The following EPN2 variants were observed in gnomAD, a reference collection of about 807,000 sequenced individuals.
The protein encoded by EPN2 is epsin-2.
A neutral mutation model predicts 61.7 loss-of-function variants in EPN2; 34 were observed. The observed-to-expected ratio is 0.55, with a 90% confidence interval of 0.42 to 0.73. The LOEUF is 0.73. EPN2 is among the 30% of genes least tolerant of loss of function. The pLI, the probability that EPN2 is intolerant of heterozygous loss-of-function variation, is 0.00. For synonymous variants in EPN2, 349 were observed against 353.6 expected, an observed-to-expected ratio of 0.99 and a Z score of 0.15; for missense variants, 714 against 839.2, an observed-to-expected ratio of 0.85 and a Z score of 1.84.
intron 7 of EPN2, among the ~76,000 whole-genome samples, chr17:19,326,878 C>T (rs1394819108): frequency 6.6e-6 from 1 of 151,958 alleles, no homozygotes; most frequent in Non-Finnish European, 1.5e-5. Context: ...CGGTAAAAGA[C>T]TCAAATTGGC....
chr17:19,251,727 C>T lies in EPN2; in HGVS notation c.-294+14196C>T, dbSNP rs143694256. On this transcript the variant is annotated intron_variant, in intron 1 of 10. Coordinates refer to ENST00000314728, the MANE Select transcript of EPN2 (RefSeq NM_014964.5). Reference sequence around the variant, plus strand: ...GGGATTACAGGCGTGAGCCACTGCACCCGGCCAGGTAGTTGAGTGTTGAGC... The same window carrying T: ...GGGATTACAGGCGTGAGCCACTGCATCCGGCCAGGTAGTTGAGTGTTGAGC... Among the ~76,000 whole-genome samples, 184 of 152,270 alleles carry T rather than the reference C, an allele frequency of 1.2e-3. 4 individuals carry two copies. The South Asian group carries it at 0.02, about 16-fold the overall frequency.
At chr17:19,240,277 A>T (rs954277596) in intron 1 of EPN2, among the ~76,000 whole-genome samples, 6 of 151,274 alleles carry the variant, frequency 4.0e-5, no homozygotes, top group Admixed American at 1.3e-4. Flanking sequence ...ATGGCGTCTC[A>T]CGCTGTCACC....
At chr17:19,282,821 G>A (rs2045370914) in intron 2 of EPN2, 129 bp from the exon 3 acceptor site, 2 of 282,726 alleles carry the variant, frequency 7.1e-6, no homozygotes, top group African/African-American at 2.2e-5. Flanking sequence ...TTTATCTTGG[G>A]TTCGTCCTAA....
chr17:19,299,766 A>G (rs1245332420), intron 4 of EPN2, among the ~76,000 whole-genome samples: 1 of 152,148 alleles, frequency 6.6e-6, no homozygotes, highest in African/African-American at 2.4e-5. Context: ...TGCCTCTTTC[A>G]CCAGCCCTGC....
rs1171297967 is a variant in EPN2 at position 19,328,949 on chromosome 17, G to A, written c.1324+62G>A. On this transcript the variant is annotated intron_variant, in intron 8 of 10. Coordinates refer to ENST00000314728, the MANE Select transcript of EPN2 (RefSeq NM_014964.5). ...CTGAGCGCCCACGGGCCCTGCAGCC[G>A]CTCCTGGCTCCTAGGCATCAGCCCT... 1.8e-5 allele frequency: 26 copies of A among 1,442,262 alleles called. No homozygotes were observed. In the South Asian group the frequency reaches 2.2e-4, roughly 12 times the overall value. The allele number at this position is 1,442,262 out of a possible 1,614,324, so 89.3% of individuals were successfully genotyped here.
At chr17:19,265,623 A>G (rs2045189342) in intron 1 of EPN2, among the ~76,000 whole-genome samples, 1 of 151,816 alleles carries the variant, frequency 6.6e-6, no homozygotes, top group Non-Finnish European at 1.5e-5. Flanking sequence ...CCTTAATTGC[A>G]TTCTTGTCCC....
chr17:19,329,578 A>G lies in EPN2; in HGVS notation c.1342A>G (p.Ser448Gly), dbSNP rs1273002610. The G allele has an allele frequency of 6.2e-7, 1 of 1,612,630 alleles. No individual in the cohort carries two copies. Among genetic ancestry groups the G allele is most frequent in the Admixed American group, 1.7e-5 (1 of 59,886 alleles). Residue 448 changes from serine to glycine, a missense_variant, in exon 9 of 11, where the codon AGT becomes GGT. By Grantham distance (56) the Ser-to-Gly change is moderately conservative (BLOSUM62 0). Around this residue, in one of 2 missense-constraint regions of EPN2, gnomAD observed 410 missense variants for 421.8 expected, o/e 0.97. Coordinates refer to ENST00000314728, the MANE Select transcript of EPN2 (RefSeq NM_014964.5). Reference protein sequence around the residue: ...VSVSGSFELFSNLNGTIKDDF... With the variant: ...VSVSGSFELFGNLNGTIKDDF... ...CCACCCAGGGTCCTTTGAGCTCTTC[A>G]GTAATCTGAATGGTACAATTAAAGA...
intron 1 of EPN2, among the ~76,000 whole-genome samples, chr17:19,277,055 G>T (rs1410590700): frequency 6.6e-6 from 1 of 152,108 alleles, no homozygotes; most frequent in Non-Finnish European, 1.5e-5. Flanking sequence ...AAAGTGGAGC[G>T]TGCAAACTAT....
chr17:19,331,686 C>T (rs563786723), intron 9 of EPN2, among the ~76,000 whole-genome samples, 167 bp from the exon 10 acceptor site: 33 of 152,242 alleles, frequency 2.2e-4, no homozygotes, highest in Non-Finnish European at 3.5e-4. Flanking sequence ...GCTGGTGTTT[C>T]GTTATGTGGA....
Position 19,241,909 on chromosome 17 carries a change from G to A in EPN2, c.-294+4378G>A, listed in dbSNP as rs754160791. 6.6e-5 allele frequency among the ~76,000 whole-genome samples: 10 copies of A among 152,108 alleles called. No homozygotes were observed. The South Asian group carries it at 2.1e-3, about 32-fold the overall frequency. ...AGGCCTGGGTCCCTTCTGCTCCACT[G>A]GCCCCTGTAGAAGGCCCCACAAAAT... On this transcript the variant is annotated intron_variant, in intron 1 of 10. Coordinates refer to ENST00000314728, the MANE Select transcript of EPN2 (RefSeq NM_014964.5).
intron 1 of EPN2, among the ~76,000 whole-genome samples, chr17:19,246,835 C>A (rs913030897): frequency 7.3e-6 from 1 of 137,174 alleles, no homozygotes. Flanking sequence ...GTGGCGCGAT[C>A]TCAGCTCACT....
At position 19,285,634 on chromosome 17, in the gene EPN2, C is replaced by G; in HGVS notation, c.610C>G (p.Leu204Val). 1.3e-6 allele frequency: 2 copies of G among 1,553,968 alleles called. No individual in the cohort carries two copies. The highest frequency in any genetic ancestry group is 1.7e-6 in the Non-Finnish European group (2 of 1,149,350). ...CTGCCCCACAGCGCCTGAGGCCTCG[C>G]TGTGCCCCCAGCACCGCACAGGGGC... The part of the protein sequence containing the change: ...ASYHGSPEAS[L>V]CPQHRTGAPL... Residue 204 changes from leucine (L) to valine (V), a missense_variant, in exon 4 of 11, where the codon CTG (leucine) becomes GTG (valine). By Grantham distance (32) the Leu-to-Val change is conservative (BLOSUM62 1). This residue lies in a region of EPN2 where 304 missense variants were observed against 417.4 expected (regional missense o/e 0.73). Transcript: ENST00000314728. This position sits in a 1 kb window ranked among gnomAD's most constrained non-coding sequence, Gnocchi z 4.5.
In EPN2 at chr17:19,324,754, C is replaced by T. The variant is rs970017272; in HGVS notation, c.1148-3957C>T. 1.3e-4 allele frequency among the ~76,000 whole-genome samples: 19 copies of T among 151,928 alleles called. No individual in the cohort carries two copies. In the East Asian group the frequency reaches 2.5e-3, roughly 20 times the overall value. The stretch of plus-strand genomic sequence containing the variant: ...TGAAGTTAGAATAGCATTACACTGA[C>T]GTAAAATAAAAGGAAATTATAAGGA... On this transcript the variant is annotated intron_variant, in intron 7 of 10. Coordinates refer to ENST00000314728, the MANE Select transcript of EPN2 (RefSeq NM_014964.5).
At chr17:19,250,188 T>C (rs1043372309) in intron 1 of EPN2, among the ~76,000 whole-genome samples, 7 of 151,908 alleles carry the variant, frequency 4.6e-5, no homozygotes, top group African/African-American at 1.5e-4. Context: ...TCCGCCTCCC[T>C]GGTTCAAGGG....
Position 19,334,558 on chromosome 17 carries a change from C to A in EPN2, c.*304C>A. The A allele has an allele frequency of 4.1e-6, 1 of 244,292 alleles. No homozygotes were observed. Among genetic ancestry groups the A allele is most frequent in the Non-Finnish European group, 7.8e-6 (1 of 127,978 alleles). 15.1% of individuals were successfully genotyped at this position (244,292 alleles called of 1,614,324 possible). ...GTTGCCCTTGCCCCTAACCTCAGCC[C>A]GAGGGTCTCCAGGATGTTGCCTGGC... On this transcript the variant is annotated 3_prime_UTR_variant, in exon 11 of 11. Transcript: ENST00000314728. The surrounding 1 kb of genome is among the most constrained non-coding windows in gnomAD (Gnocchi z 4.9).
rs774036660 is a variant in EPN2 at position 19,313,152 on chromosome 17, T to C, written c.1020T>C (p.Ala340=). 2.5e-6 allele frequency: 4 copies of C among 1,613,714 alleles called. No homozygotes were observed. The highest frequency in any genetic ancestry group is 3.4e-6 in the Non-Finnish European group (4 of 1,179,784). The part of the protein sequence containing the change: ...QQTTLLDLMD[A]LPSSGPAAQK... ...CTACGCTGTTGGATTTAATGGATGC[T>C]CTCCCCAGCTCGGGCCCCGCGGCCC... Residue 340 remains alanine (A), a synonymous_variant, in exon 7 of 11, where the codon GCT becomes GCC. Transcript: ENST00000314728.
intron 4 of EPN2, chr17:19,296,560 C>T (rs2045522342): frequency 6.6e-6 from 1 of 152,094 alleles, no homozygotes; most frequent in African/African-American, 2.4e-5. Flanking sequence ...TCAATCTTAA[C>T]TATAATATGC....
intron 1 of EPN2, among the ~76,000 whole-genome samples, chr17:19,255,259 A>AGT (rs763495718): frequency 6.6e-6 from 1 of 152,046 alleles, no homozygotes; most frequent in Non-Finnish European, 1.5e-5. Flanking sequence ...AATCTTCTGT[A>AGT]GTGAATCTGG....
rs1317000611 is a variant in EPN2 at position 19,335,385 on chromosome 17, A to G, written c.*1131A>G. ...GTGACTCACCAATTTTTATCAACTA[A>G]TTCCTTTTTTTTATTAAAGGCATGC... On this transcript the variant is annotated 3_prime_UTR_variant, in exon 11 of 11. Coordinates refer to ENST00000314728, the MANE Select transcript of EPN2 (RefSeq NM_014964.5). The G allele has an allele frequency of 1.3e-6, 2 of 1,547,498 alleles. No individual in the cohort carries two copies. Among genetic ancestry groups the G allele is most frequent in the African/African-American group, 2.7e-5 (2 of 72,954 alleles).
Sources: gnomAD v4.1 joint callset for allele counts (sites outside exome capture counted in the v4.1 genomes callset) on GRCh38, gnomAD v4.1.1 for gene constraint, gnomAD v4.1.1 regional missense constraint, Gnocchi (gnomAD v3.1) non-coding constraint, MANE v1.5 for transcripts, NCBI Gene and HGNC (gene_info 2026-07-23, HGNC 2026-07-21) for gene names.